Variants in PNLIPRP3 observed in about 807,000 individuals in gnomAD.
PNLIPRP3 encodes the protein pancreatic lipase-related protein 3.
Under a neutral mutation model 52.8 loss-of-function variants are expected in PNLIPRP3, and 58 were observed. The ratio of observed to expected loss-of-function variants is 1.10; its 90% CI spans 0.89 to 1.37. PNLIPRP3 has a LOEUF of 1.37. PNLIPRP3 is among the 40% of genes most tolerant of loss of function. The pLI is 0.00. For missense variants in PNLIPRP3, 593 were observed against 561.6 expected, an observed-to-expected ratio of 1.06 and a Z score of -0.57; for synonymous variants, 192 against 185.0, an observed-to-expected ratio of 1.04 and a Z score of -0.31.
intron 5 of PNLIPRP3, among the ~76,000 whole-genome samples, chr10:116,458,136 T>C (rs1297557984): frequency 6.6e-6 from 1 of 151,750 alleles, no homozygotes; most frequent in African/African-American, 2.4e-5. Flanking sequence ...TCATAATAAA[T>C]ATAGTTAGGG....
At chr10:116,433,146 A>AAAAAAT (rs1845730843) in intron 1 of PNLIPRP3, among the ~76,000 whole-genome samples, 2 of 143,490 alleles carry the variant, frequency 1.4e-5, no homozygotes, top group Non-Finnish European at 3.0e-5. Context: ...AAAAAAAAAA[A>AAAAAAT]GTCTTGGAGT....
chr10:116,443,265 G>A, intron 3 of PNLIPRP3, 91 bp downstream of exon 3: 1 of 1,294,666 alleles, frequency 7.7e-7, no homozygotes, highest in Non-Finnish European at 1.0e-6. Context: ...TATATTCATG[G>A]AAATCTTCCA....
At chr10:116,463,320 G>T (rs10749215) in intron 7 of PNLIPRP3, among the ~76,000 whole-genome samples, 1 of 151,944 alleles carries the variant, frequency 6.6e-6, no homozygotes, top group Non-Finnish European at 1.5e-5. Context: ...ACTGCATCCA[G>T]TTGGGGGCTG....
chr10:116,460,355 C>T (rs1846174224), intron 5 of PNLIPRP3, among the ~76,000 whole-genome samples: 1 of 152,204 alleles, frequency 6.6e-6, no homozygotes. Context: ...AGAATTCCAG[C>T]TATCTTGCCC....
At chr10:116,440,132 T>A (rs765053039) in intron 2 of PNLIPRP3, 1 of 623,894 alleles carries the variant, frequency 1.6e-6, no homozygotes, top group African/African-American at 1.8e-5. Flanking sequence ...GCACCTTCTC[T>A]GCCTTTTAGG....
At chr10:116,456,871 T>C (rs570934417) in intron 5 of PNLIPRP3, among the ~76,000 whole-genome samples, 8 of 152,204 alleles carry the variant, frequency 5.3e-5, no homozygotes, top group Non-Finnish European at 7.3e-5. Flanking sequence ...GTCCCTCATC[T>C]CTTGCCTGCA....
rs142836106 is a variant in PNLIPRP3, at chr10:116,442,132, C to T, written c.205-923C>T. On this transcript the variant is annotated intron_variant, in intron 2 of 11. Transcript: ENST00000369230. ...CTTGCTATTTGCTGATTTAAGTATT[C>T]ATTTTTTCCAATAGAATTGCTTATA... Among the ~76,000 whole-genome samples the T allele has an allele frequency of 6.9e-3, 1,058 of 152,254 alleles. 12 individuals are homozygous for T. The highest frequency in any genetic ancestry group is 0.022 in the African/African-American group (901 of 41,542).
At chr10:116,434,391 AC>A (rs1845748867) in intron 1 of PNLIPRP3, among the ~76,000 whole-genome samples, 1 of 152,176 alleles carries the variant, frequency 6.6e-6, no homozygotes, top group African/African-American at 2.4e-5. Flanking sequence ...TAATTTTAAA[AC>A]TATATCCTTT....
chr10:116,439,638 G>C, intron 2 of PNLIPRP3: 1 of 762,260 alleles, frequency 1.3e-6, no homozygotes. Flanking sequence ...CTGCTTTTTC[G>C]CTGCCATTTA....
At chr10:116,459,599 A>C (rs753277432) in intron 5 of PNLIPRP3, among the ~76,000 whole-genome samples, 2 of 151,916 alleles carry the variant, frequency 1.3e-5, no homozygotes, top group Non-Finnish European at 2.9e-5. Context: ...TTCATCTTCC[A>C]CCGAATCCTA....
intron 1 of PNLIPRP3, among the ~76,000 whole-genome samples, chr10:116,430,775 A>G (rs1845699781): frequency 1.3e-5 from 2 of 152,196 alleles, no homozygotes; most frequent in African/African-American, 4.8e-5. Flanking sequence ...ATTCATTTGT[A>G]TTATTACCTA....
At position 116,466,152 on chromosome 10, in the gene PNLIPRP3, A is replaced by T; in HGVS notation, c.911A>T (p.Tyr304Phe). The change falls in exon 8 of 12, where the codon TAC becomes TTC. Residue 304 changes from tyrosine (Y) to phenylalanine (F), a missense_variant. By Grantham distance (22) the Tyr-to-Phe change is conservative. Coordinates refer to ENST00000369230, the MANE Select transcript of PNLIPRP3 (RefSeq NM_001011709.3). ...TTTATTGCTTATCCTTGTAGATCCT[A>T]CACATCTTTTAAAGCAGTAAGTAAA... is the stretch of plus-strand genomic sequence containing the variant. ...DAFIAYPCRSYTSFKAGNCFF... is the reference protein window; with the variant it reads ...DAFIAYPCRSFTSFKAGNCFF... The T allele has an allele frequency of 6.2e-7, 1 of 1,603,204 alleles. No homozygotes were observed. The highest frequency in any genetic ancestry group is 1.3e-5 in the African/African-American group (1 of 74,722).
chr10:116,451,510 G>T (rs1458463065), intron 4 of PNLIPRP3, among the ~76,000 whole-genome samples: 2 of 152,180 alleles, frequency 1.3e-5, no homozygotes, highest in African/African-American at 4.8e-5. Context: ...GGAATAGTGG[G>T]AGGTTTGGAA....
At chr10:116,449,334 T>C (rs76551231) in intron 4 of PNLIPRP3, among the ~76,000 whole-genome samples, 6,875 of 152,322 alleles carry the variant, frequency 0.045, 229 homozygotes, top group Admixed American at 0.1. Context: ...AACTACATGC[T>C]GTCTACAAGA....
intron 2 of PNLIPRP3, chr10:116,440,101 G>A (rs1390362922): frequency 6.0e-6 from 4 of 671,570 alleles, no homozygotes; most frequent in South Asian, 1.7e-5. Flanking sequence ...GAGAATCTAT[G>A]TAGAATACAA....
At position 116,477,136 on chromosome 10, in the gene PNLIPRP3, A is replaced by C; in HGVS notation, c.1387A>C (p.Asn463His). Residue 463 changes from asparagine to histidine, a missense_variant, in exon 12 of 12, where the codon AAC (asparagine) becomes CAC (histidine). Transcript: ENST00000369230. ...CATTATGGGACCTAATATTCTCCAGAACCTGAAACCATGCTAATCTCAGAT... is the reference window on the plus strand; with the variant it reads ...CATTATGGGACCTAATATTCTCCAGCACCTGAAACCATGCTAATCTCAGAT... Reference protein sequence around the residue: ...QDIMGPNILQNLKPC With the variant: ...QDIMGPNILQHLKPC 6.3e-7 allele frequency: 1 copy of C among 1,594,640 alleles called. No homozygotes were observed. The highest frequency in any genetic ancestry group is 8.6e-7 in the Non-Finnish European group (1 of 1,165,228).
At chr10:116,476,622 C>A (rs1440835256) in intron 10 of PNLIPRP3, 30 bp from the exon 11 acceptor site, 1 of 1,525,028 alleles carries the variant, frequency 6.6e-7, no homozygotes, top group Non-Finnish European at 8.8e-7. Context: ...ATACCCAGTG[C>A]AAACTTACGA....
At chr10:116,434,075 C>A (rs1845745360) in intron 1 of PNLIPRP3, among the ~76,000 whole-genome samples, 1 of 152,104 alleles carries the variant, frequency 6.6e-6, no homozygotes, top group Non-Finnish European at 1.5e-5. Flanking sequence ...ACACATAAGG[C>A]TAAATCTGTT....
intron 8 of PNLIPRP3, among the ~76,000 whole-genome samples, chr10:116,468,615 G>T (rs752637997): frequency 4.6e-5 from 7 of 152,058 alleles, no homozygotes; most frequent in Non-Finnish European, 1.0e-4. Flanking sequence ...CTGTAAGCGG[G>T]GGCTTCTTAC....
Sources: allele counts gnomAD v4.1 joint callset (sites outside exome capture counted in the v4.1 genomes callset), GRCh38; gene constraint gnomAD v4.1.1; transcripts MANE v1.5; gene names NCBI Gene and HGNC (gene_info 2026-07-23, HGNC 2026-07-21).